The following ADD3 variants were observed in gnomAD, a reference collection of about 807,000 sequenced individuals.
The protein encoded by ADD3 is gamma-adducin.
In ADD3, 25 loss-of-function variants were observed where a neutral mutation model predicts 80.2. The observed-to-expected ratio is 0.31, with a 90% CI of 0.23 to 0.44. ADD3 has a LOEUF of 0.44. Ranked by LOEUF, ADD3 falls within the 20% of genes least tolerant of loss-of-function variation. The pLI is 1.00. For missense variants in ADD3, 829 were observed against 847.5 expected, an observed-to-expected ratio of 0.98 and a Z score of 0.27; for synonymous variants, 284 against 289.6, an observed-to-expected ratio of 0.98 and a Z score of 0.20.
chr10:110,122,028 G>A, intron 8 of ADD3, 82 bp from the exon 9 acceptor site: 3 of 1,272,280 alleles, frequency 2.4e-6, no homozygotes, highest in East Asian at 2.4e-5. Context: ...TTGCCAAATT[G>A]AAATTGTGCC....
chr10:110,006,025 TG>T, upstream of ADD3: 1 of 246,366 alleles, frequency 4.1e-6, no homozygotes, highest in Non-Finnish European at 8.3e-6. Flanking sequence ...CCGCTGCTGC[TG>T]CTGCTGTTGG....
At chr10:110,016,671 C>G (rs1443528632) in intron 1 of ADD3, 1 of 152,078 alleles carries the variant, frequency 6.6e-6, no homozygotes, top group Non-Finnish European at 1.5e-5. Flanking sequence ...TTCTCCTGCC[C>G]TTTTTGTCTC....
chr10:110,127,288 T>C (rs1372641075), intron 12 of ADD3, among the ~76,000 whole-genome samples: 1 of 152,166 alleles, frequency 6.6e-6, no homozygotes, highest in East Asian at 1.9e-4. Flanking sequence ...TTATTTGGGG[T>C]ACATTGGCTT....
intron 1 of ADD3, among the ~76,000 whole-genome samples, chr10:110,019,039 G>A (rs2133060806): frequency 6.6e-6 from 1 of 152,212 alleles, no homozygotes; most frequent in East Asian, 1.9e-4. Context: ...CCTCATTTTG[G>A]GGAAGAGATG....
intron 1 of ADD3, among the ~76,000 whole-genome samples, chr10:110,053,476 A>G (rs1257560840): frequency 6.6e-6 from 1 of 152,140 alleles, no homozygotes; most frequent in South Asian, 2.1e-4. Flanking sequence ...CTCATTAGAA[A>G]TTAGTACATA....
chr10:110,069,285 T>G (rs1844383344), intron 1 of ADD3, among the ~76,000 whole-genome samples: 1 of 152,236 alleles, frequency 6.6e-6, no homozygotes. Context: ...AATGGAAGAT[T>G]TGTTATTTAT....
chr10:110,110,666 T>C (rs1008251923), intron 2 of ADD3, among the ~76,000 whole-genome samples: 2 of 151,812 alleles, frequency 1.3e-5, no homozygotes, highest in Non-Finnish European at 2.9e-5. Context: ...GAACCATATT[T>C]CCCCTTATCA....
At chr10:110,130,214 A>C in intron 12 of ADD3, 149 bp from the exon 13 acceptor site, 1 of 770,040 alleles carries the variant, frequency 1.3e-6, no homozygotes, top group Non-Finnish European at 2.0e-6. Context: ...ATTTTAAACA[A>C]AGCATGTTAC....
chr10:110,119,021 T>G (rs1171497044), intron 6 of ADD3, among the ~76,000 whole-genome samples, 190 bp from the exon 7 acceptor site: 2 of 152,240 alleles, frequency 1.3e-5, no homozygotes, highest in East Asian at 3.8e-4. Flanking sequence ...AGTTGAGTTG[T>G]ATTCCCTAAG....
intron 1 of ADD3, among the ~76,000 whole-genome samples, chr10:110,073,156 T>G (rs1262518071): frequency 2.1e-5 from 3 of 146,256 alleles, no homozygotes; most frequent in Non-Finnish European, 4.5e-5. Flanking sequence ...TTTTTTTTTT[T>G]TTTCGAGACT....
At chr10:110,048,597 T>TG (rs143694841) in intron 1 of ADD3, among the ~76,000 whole-genome samples, 20,662 of 152,162 alleles carry the variant, frequency 0.14, 4,502 homozygotes, top group African/African-American at 0.46. Flanking sequence ...AGGTGACTCT[T>TG]CTGTGTTTTA....
chr10:110,101,976 C>G lies in ADD3; in HGVS notation c.195+1128C>G, dbSNP rs1012329262. On this transcript the variant is annotated intron_variant, in intron 2 of 14. Transcript: ENST00000356080. ...CCTGGTAAATCATTTTTGTTGTGTC[C>G]TTGTGAATTTAATCATAGAGGTAAG... is the stretch of plus-strand genomic sequence containing the variant. Among the ~76,000 whole-genome samples, 7 of 152,170 alleles carry G rather than the reference C, an allele frequency of 4.6e-5. No homozygotes were observed. The South Asian group carries it at 1.2e-3, about 27-fold the overall frequency.
At chr10:110,096,843 T>C (rs914873082) in intron 1 of ADD3, among the ~76,000 whole-genome samples, 4 of 152,140 alleles carry the variant, frequency 2.6e-5, no homozygotes, top group Non-Finnish European at 5.9e-5. Flanking sequence ...AGGCCGTCTT[T>C]GAAAAACGAT....
At chr10:110,121,918 T>G (rs925614203) in intron 8 of ADD3, 192 bp from the exon 9 acceptor site, 2 of 456,344 alleles carry the variant, frequency 4.4e-6, no homozygotes, top group Non-Finnish European at 7.6e-6. Context: ...CTTGGAAGGT[T>G]TCTTTTTCAG....
chr10:110,066,669 T>A (rs994222190), intron 1 of ADD3, among the ~76,000 whole-genome samples: 1 of 152,188 alleles, frequency 6.6e-6, no homozygotes, highest in African/African-American at 2.4e-5. Context: ...CCCCATCTTT[T>A]AGAAGTCTGT....
chr10:110,025,711 A>G (rs1313425812), intron 1 of ADD3, among the ~76,000 whole-genome samples: 1 of 152,118 alleles, frequency 6.6e-6, no homozygotes, highest in Non-Finnish European at 1.5e-5. Flanking sequence ...GCAGATCTAG[A>G]CTCAAAACTG....
At chr10:110,127,337 G>A (rs770511773) in intron 12 of ADD3, among the ~76,000 whole-genome samples, 4 of 152,144 alleles carry the variant, frequency 2.6e-5, no homozygotes, top group Non-Finnish European at 5.9e-5. Flanking sequence ...ATAAAGTCCC[G>A]GCTGGGTGCA....
intron 1 of ADD3, among the ~76,000 whole-genome samples, chr10:110,048,588 G>A (rs1460184853): frequency 7.0e-6 from 1 of 142,576 alleles, no homozygotes; most frequent in Non-Finnish European, 1.5e-5. Flanking sequence ...CTGGAGTAAA[G>A]GTGACTCTTC....
At chr10:110,103,045 A>C (rs1398354248) in intron 2 of ADD3, among the ~76,000 whole-genome samples, 1 of 152,230 alleles carries the variant, frequency 6.6e-6, no homozygotes, top group African/African-American at 2.4e-5. Context: ...GAGATTTAAA[A>C]GAATTAAAAG....
Sources: gnomAD v4.1 joint callset for allele counts (sites outside exome capture counted in the v4.1 genomes callset) on GRCh38, gnomAD v4.1.1 for gene constraint, MANE v1.5 for transcripts, NCBI Gene and HGNC (gene_info 2026-07-23, HGNC 2026-07-21) for gene names.